Variants in RAB40B observed in about 807,000 individuals in gnomAD.
RAB40B encodes the protein RAB40B, member RAS oncogene family, also known as ras-related protein Rab-40B.
RAB40B carries 21 observed loss-of-function variants against 24.0 expected under a neutral mutation model. The observed-to-expected ratio is 0.88, with a 90% CI of 0.62 to 1.26. The LOEUF (loss-of-function observed/expected upper bound fraction) is 1.26. Among genes scored for constraint, RAB40B ranks in the 50% most tolerant of loss-of-function variants. The pLI is 0.00. For missense variants in RAB40B, 348 were observed against 390.5 expected, an observed-to-expected ratio of 0.89 and a Z score of 0.92; for synonymous variants, 167 against 169.8, an observed-to-expected ratio of 0.98 and a Z score of 0.13.
intron 1 of RAB40B, among the ~76,000 whole-genome samples, chr17:82,682,911 G>A (rs1307738898): frequency 5.9e-5 from 9 of 152,312 alleles, no homozygotes; most frequent in East Asian, 1.9e-4. Context: ...TTGGGAGACC[G>A]AGGCAGGCAG....
At position 82,675,978 on chromosome 17, in the gene RAB40B, C is replaced by T. The variant is rs144826018; in HGVS notation, c.143-11422G>A. On this transcript the variant is annotated intron_variant, in intron 1 of 5. Coordinates refer to ENST00000571995, the MANE Select transcript of RAB40B (RefSeq NM_006822.3). The surrounding 1 kb of genome is among the most constrained non-coding windows in gnomAD (Gnocchi z 4.5). ...CCCTGGTACTCTGAGTCTCCTGGTA[C>T]GGGACGGTGAGGACCCCACAGGGCT... Among the ~76,000 whole-genome samples, 330 of 152,208 alleles carry T rather than the reference C, an allele frequency of 2.2e-3. 3 individuals are homozygous for T. The highest frequency in any genetic ancestry group is 6.7e-3 in the African/African-American group (278 of 41,520).
At chr17:82,686,976 A>G (rs1302827079) in intron 1 of RAB40B, among the ~76,000 whole-genome samples, 1 of 151,808 alleles carries the variant, frequency 6.6e-6, no homozygotes, top group Non-Finnish European at 1.5e-5. Flanking sequence ...TGCTGGGGGG[A>G]AGGAGGCTCA....
chr17:82,667,463 C>T lies in RAB40B; in HGVS notation c.143-2907G>A, dbSNP rs935397522. ...CTGTGCAGCGCCTTCCATGAGATCC[C>T]GAGCACCCCTCCCTCCCACAGCTGC... On this transcript the variant is annotated intron_variant, in intron 1 of 5. Coordinates refer to ENST00000571995, the MANE Select transcript of RAB40B (RefSeq NM_006822.3). This position sits in a 1 kb window ranked among gnomAD's most constrained non-coding sequence, Gnocchi z 4.3. 6.6e-6 allele frequency among the ~76,000 whole-genome samples: 1 copy of T among 152,182 alleles called. No homozygotes were observed. The highest frequency in any genetic ancestry group is 2.4e-5 in the African/African-American group (1 of 41,450).
chr17:82,664,461 G>T (rs1281951478), intron 2 of RAB40B, 35 bp downstream of exon 2: 1 of 1,607,002 alleles, frequency 6.2e-7, no homozygotes, highest in African/African-American at 1.3e-5. Flanking sequence ...TTACTCCCTG[G>T]GGGTGCGGGA....
Position 82,667,501 on chromosome 17 carries a change from G to A in RAB40B, c.143-2945C>T, listed in dbSNP as rs2046272596. Among the ~76,000 whole-genome samples, 1 of 152,168 alleles carries A rather than the reference G, an allele frequency of 6.6e-6. No individual in the cohort carries two copies. The highest frequency in any genetic ancestry group is 6.5e-5 in the Admixed American group (1 of 15,274). On this transcript the variant is annotated intron_variant, in intron 1 of 5. Transcript: ENST00000571995. This position sits in a 1 kb window ranked among gnomAD's most constrained non-coding sequence, Gnocchi z 4.3. ...CTCCCACAGCTGCTGTGTCCAGCCT[G>A]TCCCCTGCCCTCTGCTTCCTCCTCC...
intron 1 of RAB40B, among the ~76,000 whole-genome samples, chr17:82,676,874 T>A (rs1360206310): frequency 6.6e-6 from 1 of 151,530 alleles, no homozygotes; most frequent in Non-Finnish European, 1.5e-5. Flanking sequence ...GATCCACCTG[T>A]CTCAGCCTCC....
At chr17:82,688,041 C>T (rs2046519364) in intron 1 of RAB40B, among the ~76,000 whole-genome samples, 1 of 152,128 alleles carries the variant, frequency 6.6e-6, no homozygotes, top group African/African-American at 2.4e-5. Context: ...CACTGCACTC[C>T]AGCCTGGGCA....
At chr17:82,694,735 T>C (rs2046591481) in intron 1 of RAB40B, among the ~76,000 whole-genome samples, 1 of 151,664 alleles carries the variant, frequency 6.6e-6, no homozygotes, top group African/African-American at 2.4e-5. Flanking sequence ...TCAGCTGACC[T>C]CAGGCTTCCC....
intron 5 of RAB40B, 67 bp from the exon 6 acceptor site, chr17:82,658,201 G>A: frequency 5.1e-6 from 8 of 1,555,146 alleles, no homozygotes; most frequent in South Asian, 1.2e-5. Context: ...GAGGGGTGGT[G>A]CCCACACCTG....
In RAB40B at chr17:82,658,068, T is replaced by G; in HGVS notation, c.632A>C (p.Lys211Thr). 1 of 1,614,098 alleles carries G rather than the reference T, an allele frequency of 6.2e-7. No homozygotes were observed. The change falls in exon 6 of 6, where the codon AAG becomes ACG. Residue 211 changes from lysine (K) to threonine (T), a missense_variant. By Grantham distance (78) the Lys-to-Thr change is moderately conservative. Coordinates refer to ENST00000571995, the MANE Select transcript of RAB40B (RefSeq NM_006822.3). Reference protein sequence around the residue: ...VSCTPVHLVDKLPLPIALRSH... With the variant: ...VSCTPVHLVDTLPLPIALRSH... ...TCTTAAGGCAATGGGGAGCGGGAGC[T>G]TGTCCACCAGGTGCACCGGCGTGCA...
chr17:82,660,567 C>A (rs531322844), intron 3 of RAB40B, among the ~76,000 whole-genome samples: 124 of 152,006 alleles, frequency 8.2e-4, no homozygotes, highest in African/African-American at 3.0e-3. Context: ...CACACACACA[C>A]GCACAGGCAC....
rs1441677208 is a variant in RAB40B, at chr17:82,697,885, T to TC, written c.142+569dup. ...CGCGAGTCACCTGTGCTCCTTCCTC[T>TC]CCCCCGGACACGCGGGACCCCTGGC... On this transcript the variant is annotated intron_variant, in intron 1 of 5. Transcript: ENST00000571995. This position sits in a 1 kb window ranked among gnomAD's most constrained non-coding sequence, Gnocchi z 4.9. Among the ~76,000 whole-genome samples the TC allele has an allele frequency of 6.6e-6, 1 of 151,864 alleles. No individual in the cohort carries two copies. The highest frequency in any genetic ancestry group is 1.5e-5 in the Non-Finnish European group (1 of 67,950).
At chr17:82,668,838 G>C (rs1214620353) in intron 1 of RAB40B, among the ~76,000 whole-genome samples, 2 of 152,230 alleles carry the variant, frequency 1.3e-5, no homozygotes, top group African/African-American at 2.4e-5. Flanking sequence ...CGTGGATCGA[G>C]AGGCCCAGCC....
chr17:82,660,404 A>G (rs926477473), intron 3 of RAB40B, among the ~76,000 whole-genome samples: 7 of 150,720 alleles, frequency 4.6e-5, no homozygotes, highest in African/African-American at 1.2e-4. Flanking sequence ...TACACAGGGC[A>G]TGTACCTTCA....
At chr17:82,693,247 T>C (rs1050827510) in intron 1 of RAB40B, among the ~76,000 whole-genome samples, 1 of 152,122 alleles carries the variant, frequency 6.6e-6, no homozygotes, top group Admixed American at 6.5e-5. Flanking sequence ...CCTCTGGTGA[T>C]CCATCCGCCT....
rs764917189 is a variant in RAB40B at position 82,658,530 on chromosome 17, G to A, written c.526C>T (p.Leu176=). 2.7e-5 allele frequency: 44 copies of A among 1,612,786 alleles called. No individual in the cohort carries two copies. The highest frequency in any genetic ancestry group is 3.6e-5 in the Non-Finnish European group (43 of 1,179,956). Residue 176 remains leucine (L), a synonymous_variant, in exon 5 of 6, where the codon CTG becomes TTG. Transcript: ENST00000571995. The part of the protein sequence containing the change: ...SFTELARIVL[L]RHGMDRLWRP... The stretch of plus-strand genomic sequence containing the variant: ...CAGAGCCGGTCCATCCCATGCCGCA[G>A]CAGCACGATCCTGGCCAGCTCCGTG...
Position 82,664,521 on chromosome 17 carries a change from C to T in RAB40B, c.178G>A (p.Gly60Arg), listed in dbSNP as rs1306146990. 2 of 1,613,424 alleles carry T rather than the reference C, an allele frequency of 1.2e-6. No homozygotes were observed. The highest frequency in any genetic ancestry group is 2.2e-5 in the East Asian group (1 of 44,892). ...CAGAGCTGCAGCTTCACCCGCCGCC[C>T]GTCCAGCAGGATGGTGGTCGTCTTG... is the stretch of plus-strand genomic sequence containing the variant. ...DYKTTTILLD[G>R]RRVKLQLWDT... The change falls in exon 2 of 6, where the codon GGG (glycine) becomes AGG (arginine). Residue 60 changes from glycine (G) to arginine (R), a missense_variant. This residue lies in a region of RAB40B where 101 missense variants were observed against 85.5 expected (regional missense o/e 1.18). Coordinates refer to ENST00000571995, the MANE Select transcript of RAB40B (RefSeq NM_006822.3).
rs1012817880 is a variant in RAB40B at position 82,658,104 on chromosome 17, G to A, written c.596C>T (p.Ala199Val). 4.3e-6 allele frequency: 7 copies of A among 1,614,126 alleles called. No homozygotes were observed. The highest frequency in any genetic ancestry group is 4.5e-5 in the East Asian group (2 of 44,882). ...VLSLQDLCCRAVVSCTPVHLV... is the reference protein window; with the variant it reads ...VLSLQDLCCRVVVSCTPVHLV... ...GTGCACCGGCGTGCAGGACACGACCGCCCGGCAGCAGAGGTCTTGCAAGCT... is the reference window on the plus strand; with the variant it reads ...GTGCACCGGCGTGCAGGACACGACCACCCGGCAGCAGAGGTCTTGCAAGCT... Residue 199 changes from alanine (A) to valine (V), a missense_variant, in exon 6 of 6, where the codon GCG (alanine) becomes GTG (valine). Around this residue, in one of 3 missense-constraint regions of RAB40B, gnomAD observed 121 missense variants for 124.0 expected, o/e 0.98. Coordinates refer to ENST00000571995, the MANE Select transcript of RAB40B (RefSeq NM_006822.3).
chr17:82,659,505 G>A, intron 4 of RAB40B, 75 bp downstream of exon 4: 1 of 1,468,106 alleles, frequency 6.8e-7, no homozygotes, highest in Non-Finnish European at 9.5e-7. Flanking sequence ...GCCCTGGAGG[G>A]CCCGGCCCTA....
Sources: allele counts gnomAD v4.1 joint callset (sites outside exome capture counted in the v4.1 genomes callset), GRCh38; gene constraint gnomAD v4.1.1; regional missense constraint gnomAD v4.1.1; non-coding constraint Gnocchi (gnomAD v3.1); transcripts MANE v1.5; gene names NCBI Gene and HGNC (gene_info 2026-07-23, HGNC 2026-07-21).